Variants in HERC1 observed in about 807,000 individuals in gnomAD.
HERC1 encodes the protein probable E3 ubiquitin-protein ligase HERC1.
HERC1 carries 160 observed loss-of-function variants against 554.3 expected under a neutral mutation model. The ratio of observed to expected loss-of-function variants is 0.29; its 90% CI spans 0.25 to 0.33. The LOEUF is 0.33. HERC1 is among the 10% of genes least tolerant of loss of function. The pLI is 1.00. For synonymous variants in HERC1, 2,175 were observed against 2,131.7 expected, an observed-to-expected ratio of 1.02 and a Z score of -0.56; for missense variants, 4,919 against 5,918.5, an observed-to-expected ratio of 0.83 and a Z score of 5.54.
chr15:63,759,579 C>T (rs1352891933), intron 3 of HERC1, among the ~76,000 whole-genome samples: 1 of 152,174 alleles, frequency 6.6e-6, no homozygotes, highest in Admixed American at 6.5e-5. Flanking sequence ...TAAAGTTTTT[C>T]CATCTATTTG....
At chr15:63,659,103 C>T (rs1226267229) in intron 47 of HERC1, among the ~76,000 whole-genome samples, 1 of 152,104 alleles carries the variant, frequency 6.6e-6, no homozygotes, top group African/African-American at 2.4e-5. Context: ...CAAAAATTTA[C>T]CACACCCTCT....
chr15:63,829,523 A>ATC (rs2078068020), intron 1 of HERC1, among the ~76,000 whole-genome samples: 1 of 47,576 alleles, frequency 2.1e-5, no homozygotes, highest in Non-Finnish European at 4.7e-5. Context: ...TATATAAATA[A>ATC]TATGTGTGCA....
intron 12 of HERC1, among the ~76,000 whole-genome samples, chr15:63,736,465 T>C (rs1011171391): frequency 2.6e-5 from 4 of 152,174 alleles, no homozygotes; most frequent in African/African-American, 7.2e-5. Flanking sequence ...ACTAGCCCAG[T>C]AGAAAAGACT....
At chr15:63,744,164 G>GTGTGTCTCTCTCTCTCTCTC in intron 12 of HERC1, among the ~76,000 whole-genome samples, 15 of 46,306 alleles carry the variant, frequency 3.2e-4, no homozygotes, top group Non-Finnish European at 7.4e-4. Context: ...GTGTGTGTGT[G>GTGTGTCTCTCTCTCTCTCTC]TCTCTCTCTC....
rs890497501 is a variant in HERC1 at position 63,662,077 on chromosome 15, G to A, written c.8902-56C>T. 2.7e-6 allele frequency: 4 copies of A among 1,494,488 alleles called. No homozygotes were observed. The African/African-American group carries it at 4.2e-5, about 16-fold the overall frequency. The allele number at this position is 1,494,488 out of a possible 1,614,324, so 92.6% of individuals were successfully genotyped here. ...AGTCAATTTAACATAAAACCAAGAA[G>A]TACCAAGTAGATTATTTATATTAAA... On this transcript the variant is annotated intron_variant, in intron 44 of 77. Coordinates refer to ENST00000443617, the MANE Select transcript of HERC1 (RefSeq NM_003922.4).
intron 1 of HERC1, among the ~76,000 whole-genome samples, chr15:63,799,835 C>T (rs1375357219): frequency 1.3e-5 from 2 of 152,144 alleles, no homozygotes; most frequent in African/African-American, 4.8e-5. Context: ...CTAAATCAGA[C>T]TCAAGGTACT....
intron 68 of HERC1, among the ~76,000 whole-genome samples, chr15:63,631,334 T>C (rs888523735): frequency 2.6e-5 from 4 of 152,306 alleles, no homozygotes; most frequent in African/African-American, 9.6e-5. Flanking sequence ...TCCACTGCAC[T>C]GAAATTCTAC....
At chr15:63,789,747 G>A (rs956944995) in intron 1 of HERC1, among the ~76,000 whole-genome samples, 4 of 151,668 alleles carry the variant, frequency 2.6e-5, no homozygotes, top group Non-Finnish European at 5.9e-5. Flanking sequence ...GCAGTGAGCC[G>A]AGATGATGCC....
intron 34 of HERC1, among the ~76,000 whole-genome samples, chr15:63,682,120 G>A (rs1057190515): frequency 2.0e-5 from 3 of 152,018 alleles, no homozygotes; most frequent in Non-Finnish European, 4.4e-5. Context: ...AGAAAGAGAC[G>A]AAAGGAAAAG....
At chr15:63,814,357 C>T (rs1010804180) in intron 1 of HERC1, among the ~76,000 whole-genome samples, 2 of 150,892 alleles carry the variant, frequency 1.3e-5, no homozygotes, top group African/African-American at 4.9e-5. Context: ...ATCCTCATCT[C>T]AAGAGCACAC....
chr15:63,757,316 G>C, intron 4 of HERC1, among the ~76,000 whole-genome samples: 1 of 134,530 alleles, frequency 7.4e-6, no homozygotes, highest in Admixed American at 8.7e-5. Flanking sequence ...CTGGGCTAGA[G>C]TGCAGTGGTG....
chr15:63,711,897 A>T (rs1394042532), intron 24 of HERC1, among the ~76,000 whole-genome samples: 4 of 152,222 alleles, frequency 2.6e-5, no homozygotes, highest in Non-Finnish European at 5.9e-5. Context: ...CACACAAGGC[A>T]GAGGAACAGC....
chr15:63,678,888 G>C (rs2071335294), intron 36 of HERC1, among the ~76,000 whole-genome samples: 1 of 152,150 alleles, frequency 6.6e-6, no homozygotes, highest in African/African-American at 2.4e-5. Context: ...ATCATTCTAA[G>C]TCTTAGCTTT....
Position 63,642,942 on chromosome 15 carries a change from T to C in HERC1, c.11433+15A>G. The C allele has an allele frequency of 4.9e-6, 7 of 1,442,302 alleles. No homozygotes were observed. The highest frequency in any genetic ancestry group is 5.9e-6 in the Non-Finnish European group (6 of 1,025,290). 89.3% of individuals were successfully genotyped at this position (1,442,302 alleles called of 1,614,324 possible). A position where few individuals can be genotyped will look rare whatever the true frequency, so the allele number is the denominator to read the frequency against. On this transcript the variant is annotated intron_variant, in intron 59 of 77. Transcript: ENST00000443617. ...CAAGCTTACACCCTATCATTTGATA[T>C]AACTACAATATTACCTTTGATCTAT...
At chr15:63,807,385 C>G (rs546862115) in intron 1 of HERC1, among the ~76,000 whole-genome samples, 1 of 152,296 alleles carries the variant, frequency 6.6e-6, no homozygotes, top group Non-Finnish European at 1.5e-5. Context: ...TCCCACCTCA[C>G]AAAGCCATTT....
chr15:63,764,305 T>C (rs1011383959), intron 2 of HERC1, 114 bp from the exon 3 acceptor site: 42 of 690,332 alleles, frequency 6.1e-5, no homozygotes, highest in Non-Finnish European at 9.1e-5. Context: ...TATATAATTA[T>C]GTGCACTGAA....
At chr15:63,735,766 T>C (rs773111926) in intron 12 of HERC1, among the ~76,000 whole-genome samples, 1 of 152,174 alleles carries the variant, frequency 6.6e-6, no homozygotes, top group Non-Finnish European at 1.5e-5. Flanking sequence ...TTAATAATTA[T>C]TTGAATTACT....
chr15:63,643,010 T>A lies in HERC1; in HGVS notation c.11380A>T (p.Thr3794Ser), dbSNP rs372848732. Residue 3794 changes from threonine to serine, a missense_variant, in exon 59 of 78, where the codon ACC becomes TCC. Around this residue, in one of 11 missense-constraint regions of HERC1, gnomAD observed 1,963 missense variants for 2,228.6 expected, o/e 0.88. Transcript: ENST00000443617. Reference protein sequence around the residue: ...TVVIGSGAIQTTVWIPEVGVA... With the variant: ...TVVIGSGAIQSTVWIPEVGVA... ...CCAACTTCTGGAATCCATACTGTGG[T>A]CTGAATAGCTCCAGAGCCTATCACA... The A allele has an allele frequency of 1.9e-6, 3 of 1,613,140 alleles. No homozygotes were observed. In the African/African-American group the frequency reaches 4.0e-5, roughly 22 times the overall value.
chr15:63,781,873 T>C (rs1438533702), intron 1 of HERC1, among the ~76,000 whole-genome samples: 1 of 152,218 alleles, frequency 6.6e-6, no homozygotes, highest in Non-Finnish European at 1.5e-5. Flanking sequence ...GCCTTTTTCC[T>C]GATATGGGGA....
Sources: allele counts gnomAD v4.1 joint callset (sites outside exome capture counted in the v4.1 genomes callset), GRCh38; gene constraint gnomAD v4.1.1; regional missense constraint gnomAD v4.1.1; transcripts MANE v1.5; gene names NCBI Gene and HGNC (gene_info 2026-07-23, HGNC 2026-07-21).